FAT3: variants seen among roughly 807,000 people sequenced by gnomAD.
FAT3 encodes the protein FAT atypical cadherin 3, also known as protocadherin Fat 3.
In FAT3, 95 loss-of-function variants were observed where a neutral mutation model predicts 310.2. The ratio of observed to expected loss-of-function variants is 0.31; its 90% CI spans 0.26 to 0.36. The LOEUF is 0.36. Ranked by LOEUF, FAT3 falls within the 10% of genes least tolerant of loss-of-function variation. The pLI, the probability that FAT3 is intolerant of heterozygous loss-of-function variation, is 1.00. For missense variants in FAT3, 5,408 were observed against 5,715.6 expected, an observed-to-expected ratio of 0.95 and a Z score of 1.74; for synonymous variants, 2,314 against 2,192.9, an observed-to-expected ratio of 1.06 and a Z score of -1.54.
intron 3 of FAT3, among the ~76,000 whole-genome samples, chr11:92,530,270 T>C (rs1178344331): frequency 6.6e-6 from 1 of 152,114 alleles, no homozygotes; most frequent in South Asian, 2.1e-4. Flanking sequence ...CAGAGCTTGA[T>C]TATTTGCATT....
intron 2 of FAT3, among the ~76,000 whole-genome samples, chr11:92,462,385 G>T (rs544132504): frequency 6.6e-5 from 10 of 152,054 alleles, no homozygotes; most frequent in Admixed American, 3.3e-4. Context: ...ATGTGTACTC[G>T]CTGTTTTGCT....
intron 1 of FAT3, among the ~76,000 whole-genome samples, chr11:92,285,903 T>G (rs1295523395): frequency 6.6e-6 from 1 of 152,124 alleles, no homozygotes; most frequent in Non-Finnish European, 1.5e-5. Flanking sequence ...ATGTTCCACC[T>G]TGTTTCCTAC....
chr11:92,716,775 A>G (rs1055364367), intron 4 of FAT3, among the ~76,000 whole-genome samples: 1 of 152,238 alleles, frequency 6.6e-6, no homozygotes, highest in Non-Finnish European at 1.5e-5. Context: ...AATGGAATCT[A>G]AAGAGAGATT....
intron 4 of FAT3, among the ~76,000 whole-genome samples, chr11:92,716,221 T>G (rs190104253): frequency 6.6e-6 from 1 of 151,998 alleles, no homozygotes; most frequent in East Asian, 1.9e-4. Context: ...TAGGAAGGAG[T>G]GAAGGAAGGA....
chr11:92,287,297 G>A (rs2134382850), intron 1 of FAT3, among the ~76,000 whole-genome samples: 1 of 152,152 alleles, frequency 6.6e-6, no homozygotes, highest in Non-Finnish European at 1.5e-5. Flanking sequence ...GGCTATAAAT[G>A]GTAATTTAAT....
chr11:92,451,983 A>T (rs1216564594), intron 2 of FAT3, among the ~76,000 whole-genome samples: 1 of 152,128 alleles, frequency 6.6e-6, no homozygotes, highest in African/African-American at 2.4e-5. Flanking sequence ...AATAACTCTG[A>T]TCCTTTATGG....
At chr11:92,830,065 A>G (rs761699596) in intron 13 of FAT3, among the ~76,000 whole-genome samples, 14 of 152,298 alleles carry the variant, frequency 9.2e-5, no homozygotes, top group Middle Eastern at 3.4e-3. Context: ...TTCTCAAAAG[A>G]CATTTTCAGA....
At position 92,678,388 on chromosome 11, in the gene FAT3, G is replaced by A. The variant is rs1025138433; in HGVS notation, c.3608-18996G>A. ...GAGTTTTCCTTTTGATTCAGTTCTA[G>A]GAACTCAGTGTGAATCGGCCTTAGG... is the stretch of plus-strand genomic sequence containing the variant. On this transcript the variant is annotated intron_variant, in intron 3 of 27. Transcript: ENST00000525166. Among the ~76,000 whole-genome samples, 5 of 152,208 alleles carry A rather than the reference G, an allele frequency of 3.3e-5. No individual in the cohort carries two copies. In the South Asian group the frequency reaches 1.0e-3, roughly 32 times the overall value.
intron 2 of FAT3, among the ~76,000 whole-genome samples, chr11:92,513,458 A>C (rs975813450): frequency 1.3e-5 from 2 of 152,190 alleles, no homozygotes; most frequent in Non-Finnish European, 2.9e-5. Flanking sequence ...TATGGAGCCC[A>C]TGAAAGAATT....
chr11:92,389,507 T>C (rs1177994946), intron 2 of FAT3, among the ~76,000 whole-genome samples: 1 of 152,154 alleles, frequency 6.6e-6, no homozygotes, highest in East Asian at 1.9e-4. Context: ...AAGGCGTACA[T>C]GCAAGGAAAG....
rs757335868 is a variant in FAT3 at position 92,774,131 on chromosome 11, A to G, written c.4286A>G (p.Tyr1429Cys). ...TTGGATGCAGAGCAGAGGTCCATCT[A>G]TAATATGAGTGTGGAAGTCACCGAT... ...KPLDAEQRSI[Y>C]NMSVEVTDGT... The change falls in exon 7 of 28, where the codon TAT becomes TGT. Residue 1429 changes from tyrosine to cysteine, a missense_variant. This residue lies in a region of FAT3 where 4,588 missense variants were observed against 4,809.8 expected (regional missense o/e 0.95). Coordinates refer to ENST00000525166, the MANE Select transcript of FAT3 (RefSeq NM_001367949.2). 1.9e-6 allele frequency: 3 copies of G among 1,613,560 alleles called. No individual in the cohort carries two copies. Among genetic ancestry groups the G allele is most frequent in the Admixed American group, 1.7e-5 (1 of 59,942 alleles).
intron 2 of FAT3, among the ~76,000 whole-genome samples, chr11:92,442,109 A>ATTT (rs1258493776): frequency 4.0e-5 from 2 of 50,084 alleles, no homozygotes; most frequent in African/African-American, 1.5e-4. Flanking sequence ...ATATATATAT[A>ATTT]TATTTTTTTT....
intron 9 of FAT3, among the ~76,000 whole-genome samples, chr11:92,796,097 GGGTT>G (rs1947165976): frequency 1.3e-5 from 2 of 151,940 alleles, no homozygotes; most frequent in Middle Eastern, 3.4e-3. Flanking sequence ...TCATCAGTCA[GGGTT>G]GCATGTTGGT....
intron 3 of FAT3, among the ~76,000 whole-genome samples, chr11:92,679,277 T>G (rs2459485): frequency 6.6e-6 from 1 of 152,212 alleles, no homozygotes; most frequent in Non-Finnish European, 1.5e-5. Flanking sequence ...ATTTTTTTTT[T>G]GGTTTATTTA....
In FAT3 at chr11:92,831,704, C is replaced by T. The variant is rs1395515202; in HGVS notation, c.9564C>T (p.Ile3188=). 3 of 1,613,424 alleles carry T rather than the reference C, an allele frequency of 1.9e-6. No individual in the cohort carries two copies. The highest frequency in any genetic ancestry group is 2.7e-5 in the African/African-American group (2 of 74,896). Reference sequence around the variant, plus strand: ...TTGACAGCTCATCTGGCATCATCATCCTGGAGCAGCCACTGGACCGTGAGC... The same window carrying T: ...TTGACAGCTCATCTGGCATCATCATTCTGGAGCAGCCACTGGACCGTGAGC... ...FSIDSSSGII[I]LEQPLDREQQ... is the part of the protein sequence containing the mutation. The change falls in exon 14 of 28, where the codon ATC becomes ATT. Residue 3188 remains isoleucine (I), a synonymous_variant. Coordinates refer to ENST00000525166, the MANE Select transcript of FAT3 (RefSeq NM_001367949.2).
chr11:92,570,918 CAT>C (rs1161008191), intron 3 of FAT3, among the ~76,000 whole-genome samples: 2 of 152,146 alleles, frequency 1.3e-5, no homozygotes, highest in African/African-American at 4.8e-5. Flanking sequence ...ATTCAGTAAA[CAT>C]GTGTAAGAAC....
chr11:92,577,715 G>T (rs1273952733), intron 3 of FAT3, among the ~76,000 whole-genome samples: 1 of 152,100 alleles, frequency 6.6e-6, no homozygotes, highest in Non-Finnish European at 1.5e-5. Flanking sequence ...TGAGATTCCT[G>T]CAGGCCAGCA....
Position 92,801,876 on chromosome 11 carries a change from G to A in FAT3, c.8863G>A (p.Asp2955Asn), listed in dbSNP as rs771847867. The change falls in exon 10 of 28, where the codon GAC becomes AAC. Residue 2955 changes from aspartate to asparagine, a missense_variant. Physicochemically the swap from Asp to Asn is conservative, Grantham distance 23. Transcript: ENST00000525166. ...VLSTWDRDTS[D>N]VNRQVSYHIT... is the part of the protein sequence containing the mutation. ...CAGCACCTGGGACAGAGACACATCC[G>A]ACGTTAATCGCCAAGTGAGCTACCA... 1.5e-5 allele frequency: 24 copies of A among 1,613,774 alleles called. No individual in the cohort carries two copies. Among genetic ancestry groups the A allele is most frequent in the East Asian group, 2.2e-5 (1 of 44,878 alleles).
At chr11:92,873,132 G>C in intron 22 of FAT3, among the ~76,000 whole-genome samples, 1 of 152,192 alleles carries the variant, frequency 6.6e-6, no homozygotes, top group East Asian at 1.9e-4. Context: ...GTGCTGCATT[G>C]TGGTTTATGA....
Sources: allele counts gnomAD v4.1 joint callset (sites outside exome capture counted in the v4.1 genomes callset), GRCh38; gene constraint gnomAD v4.1.1; regional missense constraint gnomAD v4.1.1; transcripts MANE v1.5; gene names NCBI Gene and HGNC (gene_info 2026-07-23, HGNC 2026-07-21).